Variants in CD300A observed in about 807,000 individuals in gnomAD.
CD300A encodes CD300a molecule.
In CD300A, 22 loss-of-function variants were observed where a neutral mutation model predicts 33.6. The ratio of observed to expected loss-of-function variants is 0.66; its 90% confidence interval spans 0.47 to 0.94. The LOEUF (loss-of-function observed/expected upper bound fraction) is 0.94, where lower values mean the gene tolerates loss of function less well. Ranked by LOEUF, CD300A falls within the 40% of genes least tolerant of loss-of-function variation. The probability of loss-of-function intolerance (pLI) is 0.00; values close to 1 mark genes in which losing one functional copy is unlikely to be tolerated. For synonymous variants in CD300A, 136 were observed against 148.1 expected, an observed-to-expected ratio of 0.92 and a Z score of 0.59; for missense variants, 326 against 360.5, an observed-to-expected ratio of 0.90 and a Z score of 0.77.
Position 74,484,038 on chromosome 17 carries a change from T to A in CD300A, c.812T>A (p.Val271Glu). The A allele has an allele frequency of 1.2e-6, 2 of 1,614,058 alleles. No individual in the cohort carries two copies. The highest frequency in any genetic ancestry group is 1.7e-6 in the Non-Finnish European group (2 of 1,179,958). Residue 271 changes from valine (V) to glutamate (E), a missense_variant, in exon 7 of 7, where the codon GTG (valine) becomes GAG (glutamate). By Grantham distance (121) the Val-to-Glu change is moderately radical. Transcript: ENST00000360141. Reference protein sequence around the residue: ...PREELHYASVVFDSNTNRIAA... With the variant: ...PREELHYASVEFDSNTNRIAA... Reference sequence around the variant, plus strand: ...GAAGAACTTCACTATGCCTCGGTGGTGTTTGATTCTAACACCAACAGGATA... The same window carrying A: ...GAAGAACTTCACTATGCCTCGGTGGAGTTTGATTCTAACACCAACAGGATA...
intron 3 of CD300A, among the ~76,000 whole-genome samples, chr17:74,475,016 T>G (rs555930026): frequency 2.2e-4 from 33 of 152,218 alleles, no homozygotes; most frequent in African/African-American, 7.2e-4. Flanking sequence ...TTCCGTGTAT[T>G]AGTCTGTTTT....
chr17:74,477,564 T>C, intron 4 of CD300A, 34 bp downstream of exon 4: 1 of 1,493,252 alleles, frequency 6.7e-7, no homozygotes, highest in Non-Finnish European at 9.3e-7. Flanking sequence ...CTGCCCCACC[T>C]GGGGTGGTCA....
chr17:74,474,320 G>T (rs1414908299), intron 2 of CD300A, among the ~76,000 whole-genome samples: 1 of 152,138 alleles, frequency 6.6e-6, no homozygotes, highest in Non-Finnish European at 1.5e-5. Context: ...CAGCAGGATG[G>T]AAAATCAGGA....
At chr17:74,476,971 G>C (rs1906506257) in intron 3 of CD300A, among the ~76,000 whole-genome samples, 1 of 152,096 alleles carries the variant, frequency 6.6e-6, no homozygotes, top group Non-Finnish European at 1.5e-5. Context: ...CAGCACGTGT[G>C]TGTATGTGGG....
At chr17:74,481,961 C>G (rs1344309979) in intron 6 of CD300A, 128 bp downstream of exon 6, 8 of 655,824 alleles carry the variant, frequency 1.2e-5, no homozygotes, top group Non-Finnish European at 1.9e-5. Context: ...GACAGGGCCA[C>G]ATGGAGATGG....
chr17:74,470,417 G>T (rs948380620), intron 1 of CD300A, among the ~76,000 whole-genome samples: 2 of 151,794 alleles, frequency 1.3e-5, no homozygotes, highest in African/African-American at 4.8e-5. Flanking sequence ...GCTAGAGGGA[G>T]AGAGAGAGAG....
chr17:74,467,027 G>A, intron 1 of CD300A: 3 of 1,321,630 alleles, frequency 2.3e-6, no homozygotes, highest in Non-Finnish European at 2.9e-6. Context: ...TAGGTTTTCA[G>A]TTGAATTCTT....
intron 6 of CD300A, among the ~76,000 whole-genome samples, chr17:74,482,454 T>C (rs998828951): frequency 2.0e-5 from 3 of 151,860 alleles, no homozygotes; most frequent in Non-Finnish European, 4.4e-5. Context: ...ACAGGGGACA[T>C]TGTTGCTGGT....
rs1019991742 is a variant in CD300A at position 74,480,490 on chromosome 17, G to A, written c.629-799G>A. ...AAGGGCTGTGTGAGCCTGAGCTGGC[G>A]TCCCTGGGGCTGACAGGCCTCCTTC... On this transcript the variant is annotated intron_variant, in intron 4 of 6. Transcript: ENST00000360141. This position sits in a 1 kb window ranked among gnomAD's most constrained non-coding sequence, Gnocchi z 4.2. 1.2e-4 allele frequency among the ~76,000 whole-genome samples: 19 copies of A among 152,164 alleles called. No homozygotes were observed. The highest frequency in any genetic ancestry group is 1.4e-4 in the African/African-American group (6 of 41,442).
At position 74,480,677 on chromosome 17, in the gene CD300A, G is replaced by T. The variant is rs555269447; in HGVS notation, c.629-612G>T. Among the ~76,000 whole-genome samples the T allele has an allele frequency of 1.3e-5, 2 of 152,204 alleles. No individual in the cohort carries two copies. The highest frequency in any genetic ancestry group is 4.8e-5 in the African/African-American group (2 of 41,462). The stretch of plus-strand genomic sequence containing the variant: ...CATCCTTCCTCCCCTGGAAACATTT[G>T]TGTGAGATCCCGTGTTGAGAGCTTG... On this transcript the variant is annotated intron_variant, in intron 4 of 6. Transcript: ENST00000360141. The surrounding 1 kb of genome is among the most constrained non-coding windows in gnomAD (Gnocchi z 4.2).
Position 74,473,547 on chromosome 17 carries a change from C to T in CD300A, c.52C>T (p.Leu18=), listed in dbSNP as rs368867288. 2.5e-6 allele frequency: 4 copies of T among 1,612,248 alleles called. No homozygotes were observed. The highest frequency in any genetic ancestry group is 3.4e-6 in the Non-Finnish European group (4 of 1,178,768). ...CTTGTGTTTTCCAGGATGTTTTGCT[C>T]TGAGCAAATGCAGGACCGTGGCGGG... is the stretch of plus-strand genomic sequence containing the variant. ...LLLWVPGCFA[L]SKCRTVAGPV... The change falls in exon 2 of 7, where the codon CTG becomes TTG. Residue 18 remains leucine, a synonymous_variant. Transcript: ENST00000360141.
At position 74,476,420 on chromosome 17, in the gene CD300A, G is replaced by A. The variant is rs1598453339; in HGVS notation, c.534-1016G>A. On this transcript the variant is annotated intron_variant, in intron 3 of 6. Coordinates refer to ENST00000360141, the MANE Select transcript of CD300A (RefSeq NM_007261.4). ...ATAAGACAAGGCAAAATTCAGGCTT[G>A]AACATGCCACTTCCAGAAGTTTAGC... is the stretch of plus-strand genomic sequence containing the variant. Among the ~76,000 whole-genome samples the A allele has an allele frequency of 3.3e-5, 5 of 152,188 alleles. 1 individual carries two copies. The South Asian group carries it at 1.0e-3, about 31-fold the overall frequency.
Position 74,466,647 on chromosome 17 carries a change from C to A in CD300A, c.-57C>A. The A allele has an allele frequency of 6.4e-7, 1 of 1,553,550 alleles. No homozygotes were observed. Among genetic ancestry groups the A allele is most frequent in the Non-Finnish European group, 8.7e-7 (1 of 1,144,966 alleles). ...GGCCTTGGAGGCGTGACTTTCCCCT[C>A]GGGTCCAGGTAGGGCCTGGAGCTGC... On this transcript the variant is annotated 5_prime_UTR_variant, in exon 1 of 7. Coordinates refer to ENST00000360141, the MANE Select transcript of CD300A (RefSeq NM_007261.4).
chr17:74,472,289 C>T (rs1210547214), intron 1 of CD300A, among the ~76,000 whole-genome samples: 1 of 151,976 alleles, frequency 6.6e-6, no homozygotes, highest in African/African-American at 2.4e-5. Flanking sequence ...AGAGCAAGCC[C>T]CCATCCCCAC....
Position 74,466,720 on chromosome 17 carries a change from C to A in CD300A, c.17C>A (p.Ala6Asp). 6.3e-7 allele frequency: 1 copy of A among 1,596,786 alleles called. No homozygotes were observed. Reference sequence around the variant, plus strand: ...GAAGGGACCATGTGGCTGCCTTGGGCTCTGTTGCTTCTCTGGGTCCCAGGT... The same window carrying A: ...GAAGGGACCATGTGGCTGCCTTGGGATCTGTTGCTTCTCTGGGTCCCAGGT... MWLPW[A>D]LLLLWVPGCF... Residue 6 changes from alanine to aspartate, a missense_variant, in exon 1 of 7, where the codon GCT (alanine) becomes GAT (aspartate). Physicochemically the swap from Ala to Asp is moderately radical, Grantham distance 126 (BLOSUM62 -2). Coordinates refer to ENST00000360141, the MANE Select transcript of CD300A (RefSeq NM_007261.4).
intron 6 of CD300A, among the ~76,000 whole-genome samples, chr17:74,482,845 G>A (rs1161159364): frequency 6.6e-6 from 1 of 151,070 alleles, no homozygotes; most frequent in Admixed American, 6.6e-5. Context: ...AGAGTAGCTG[G>A]GACTACAGAC....
rs368125781 is a variant in CD300A at position 74,467,394 on chromosome 17, T to C, written c.40+651T>C. Reference sequence around the variant, plus strand: ...GCCTGAGAACCAGGGGTCAGTCCTCTCCAAGAAGGGGATATGGGACAGAGG... The same window carrying C: ...GCCTGAGAACCAGGGGTCAGTCCTCCCCAAGAAGGGGATATGGGACAGAGG... On this transcript the variant is annotated intron_variant, in intron 1 of 6. Transcript: ENST00000360141. Among the ~76,000 whole-genome samples, 5 of 151,976 alleles carry C rather than the reference T, an allele frequency of 3.3e-5. No homozygotes were observed. In the East Asian group the frequency reaches 7.8e-4, roughly 24 times the overall value.
At chr17:74,470,566 C>T (rs1267121551) in intron 1 of CD300A, among the ~76,000 whole-genome samples, 2 of 152,032 alleles carry the variant, frequency 1.3e-5, no homozygotes, top group Admixed American at 6.6e-5. Flanking sequence ...GATGACGATT[C>T]GCAGCCCAGG....
chr17:74,466,416 G>A (rs1905709559), upstream of CD300A: 2 of 478,320 alleles, frequency 4.2e-6, no homozygotes, highest in Non-Finnish European at 7.6e-6. Context: ...AGTCCTGCAA[G>A]CTACGGAGTC....
Sources: allele counts gnomAD v4.1 joint callset (sites outside exome capture counted in the v4.1 genomes callset), GRCh38; gene constraint gnomAD v4.1.1; non-coding constraint Gnocchi (gnomAD v3.1); transcripts MANE v1.5; gene names NCBI Gene and HGNC (gene_info 2026-07-23, HGNC 2026-07-21).